Variants in GTF2F2 observed in about 807,000 individuals in gnomAD.
GTF2F2 encodes the protein ATP-dependent helicase GTF2F2.
A neutral mutation model predicts 42.2 loss-of-function variants in GTF2F2; 23 were observed. That is an observed-to-expected ratio of 0.55 (90% confidence interval 0.39 to 0.77). GTF2F2 has a LOEUF of 0.77. Among genes scored for constraint, GTF2F2 ranks in the 30% least tolerant of loss-of-function variants. GTF2F2 has a pLI of 0.00. For synonymous variants in GTF2F2, 105 were observed against 100.8 expected, an observed-to-expected ratio of 1.04 and a Z score of -0.25; for missense variants, 261 against 287.2, an observed-to-expected ratio of 0.91 and a Z score of 0.66.
At chr13:45,193,917 G>GACA in intron 4 of GTF2F2, 1 of 1,614,136 alleles carries the variant, frequency 6.2e-7, no homozygotes, top group Non-Finnish European at 8.5e-7. Context: ...CCAAGGTACA[G>GACA]ACAAAGGTGT....
At position 45,274,948 on chromosome 13, in the gene GTF2F2, AT is replaced by A. The variant is rs1361575269; in HGVS notation, c.630+7574del. 2.0e-5 allele frequency among the ~76,000 whole-genome samples: 3 copies of A among 152,088 alleles called. No individual in the cohort carries two copies. In the South Asian group the frequency reaches 6.2e-4, roughly 32 times the overall value. On this transcript the variant is annotated intron_variant, in intron 7 of 7. Transcript: ENST00000340473. Reference sequence around the variant, plus strand: ...AGTGTAGTTCAGTGGACTTTAGTATATTCATAGAGTTGTGCAACCAACACCA... The same window carrying A: ...AGTGTAGTTCAGTGGACTTTAGTATATCATAGAGTTGTGCAACCAACACCA...
intron 5 of GTF2F2, among the ~76,000 whole-genome samples, chr13:45,223,340 G>T (rs1456900581): frequency 6.6e-6 from 1 of 150,832 alleles, no homozygotes; most frequent in Non-Finnish European, 1.5e-5. Context: ...CAAAACACGT[G>T]CGCATGCGTG....
At chr13:45,203,705 GACGTGTGTGGGAGTACTAGAGATTA>G (rs1184021037) in intron 4 of GTF2F2, among the ~76,000 whole-genome samples, 4 of 152,178 alleles carry the variant, frequency 2.6e-5, no homozygotes, top group African/African-American at 9.7e-5. Flanking sequence ...CGTTTGAGCA[GACGTGTGTGGGAGTACTAGAGATTA>G]ACCTATTACC....
chr13:45,216,223 GA>G (rs1246632948), intron 5 of GTF2F2, among the ~76,000 whole-genome samples: 4 of 151,290 alleles, frequency 2.6e-5, no homozygotes, highest in African/African-American at 7.3e-5. Flanking sequence ...GTCTCAAGAG[GA>G]AAAAAAAGAA....
chr13:45,270,526 A>G (rs1363625401), intron 7 of GTF2F2, among the ~76,000 whole-genome samples: 1 of 152,060 alleles, frequency 6.6e-6, no homozygotes, highest in Non-Finnish European at 1.5e-5. Flanking sequence ...AAAGCCACCA[A>G]TTTCACTCCC....
chr13:45,171,554 T>C (rs111855883), intron 4 of GTF2F2, among the ~76,000 whole-genome samples: 1,977 of 152,320 alleles, frequency 0.013, 18 homozygotes, highest in Middle Eastern at 0.024. Context: ...AAACCTAATA[T>C]TATTTAGTGG....
intron 4 of GTF2F2, among the ~76,000 whole-genome samples, chr13:45,177,305 A>G (rs1443665244): frequency 2.0e-5 from 3 of 152,154 alleles, no homozygotes; most frequent in African/African-American, 7.2e-5. Flanking sequence ...TTATTTTGGT[A>G]GCAAAGTTAT....
At chr13:45,235,041 CAAAAAAAAAAA>C (rs61077504) in intron 5 of GTF2F2, among the ~76,000 whole-genome samples, 6 of 43,704 alleles carry the variant, frequency 1.4e-4, no homozygotes, top group Admixed American at 1.2e-3. Context: ...GCGGGAAACT[CAAAAAAAAAAA>C]AAAAAAAAAA....
chr13:45,272,424 TA>T lies in GTF2F2; in HGVS notation c.630+5064del, dbSNP rs11393681. On this transcript the variant is annotated intron_variant, in intron 7 of 7. Transcript: ENST00000340473. ...TTTATATGGTTTTGTTTTGGCTCTTTAAAAAAAAAAAAAAAACAAAAAAAAA... is the reference window on the plus strand; with the variant it reads ...TTTATATGGTTTTGTTTTGGCTCTTTAAAAAAAAAAAAAAACAAAAAAAAA... 1.2e-3 allele frequency among the ~76,000 whole-genome samples: 115 copies of T among 99,630 alleles called. 1 individual carries two copies. Among genetic ancestry groups the T allele is most frequent in the South Asian group, 4.5e-3 (13 of 2,872 alleles). 65.4% of individuals were successfully genotyped at this position (99,630 alleles called of 152,430 possible).
chr13:45,267,709 T>C (rs1279249696), intron 7 of GTF2F2, among the ~76,000 whole-genome samples: 1 of 152,186 alleles, frequency 6.6e-6, no homozygotes, highest in Non-Finnish European at 1.5e-5. Flanking sequence ...TTCCCTTTTT[T>C]TGGAAAACAT....
At chr13:45,199,532 A>G (rs1873072828) in intron 4 of GTF2F2, among the ~76,000 whole-genome samples, 1 of 152,156 alleles carries the variant, frequency 6.6e-6, no homozygotes, top group Non-Finnish European at 1.5e-5. Flanking sequence ...TTTTTTTGAA[A>G]TATAACCTGT....
At chr13:45,260,924 G>A (rs938285475) in intron 6 of GTF2F2, among the ~76,000 whole-genome samples, 2 of 152,084 alleles carry the variant, frequency 1.3e-5, no homozygotes, top group Non-Finnish European at 1.5e-5. Flanking sequence ...CCTGGAGTTC[G>A]AGACCAGCCT....
At position 45,242,046 on chromosome 13, in the gene GTF2F2, A is replaced by G. The variant is rs562768288; in HGVS notation, c.387-10825A>G. Among the ~76,000 whole-genome samples, 37 of 152,268 alleles carry G rather than the reference A, an allele frequency of 2.4e-4. No individual in the cohort carries two copies. The East Asian group carries it at 4.8e-3, about 20-fold the overall frequency. ...TCATTGCCACTTAGATTCACTTCTA[A>G]TAGATTGACGTATACTTACTATTGC... On this transcript the variant is annotated intron_variant, in intron 5 of 7. Transcript: ENST00000340473.
intron 4 of GTF2F2, among the ~76,000 whole-genome samples, chr13:45,174,225 G>T (rs759839171): frequency 1.3e-4 from 20 of 152,300 alleles, no homozygotes; most frequent in Non-Finnish European, 2.5e-4. Flanking sequence ...ATGCCCAAGA[G>T]TGCATTTGCT....
At chr13:45,160,931 C>T (rs973464296) in intron 4 of GTF2F2, among the ~76,000 whole-genome samples, 1 of 152,262 alleles carries the variant, frequency 6.6e-6, no homozygotes, top group Non-Finnish European at 1.5e-5. Flanking sequence ...CAAACAGTTG[C>T]AACTATGCTT....
In GTF2F2 at chr13:45,191,224, A is replaced by AATATATATAT. The variant is rs1165963910; in HGVS notation, c.305-16178_305-16169dup. 1.9e-3 allele frequency among the ~76,000 whole-genome samples: 144 copies of AATATATATAT among 75,238 alleles called. 3 individuals carry two copies. The highest frequency in any genetic ancestry group is 3.9e-3 in the South Asian group (10 of 2,540). 49.4% of individuals were successfully genotyped at this position (75,238 alleles called of 152,430 possible). On this transcript the variant is annotated intron_variant, in intron 4 of 7. Transcript: ENST00000340473. ...GTCTCTACTAAAAATACAAAAAAAA[A>AATATATATAT]ATATATATATATATATATATATATA... is the stretch of plus-strand genomic sequence containing the variant.
chr13:45,165,329 A>ATTT (rs201519443), intron 4 of GTF2F2, among the ~76,000 whole-genome samples: 15 of 129,720 alleles, frequency 1.2e-4, no homozygotes, highest in African/African-American at 4.2e-4. Context: ...ATATATATAT[A>ATTT]TATTTTTTTT....
At chr13:45,168,898 TCCCTCCCTCCTC>T (rs1871446846) in intron 4 of GTF2F2, among the ~76,000 whole-genome samples, 1 of 458 alleles carries the variant, frequency 2.2e-3, no homozygotes, top group East Asian at 0.1. Context: ...CCTCCCTCCC[TCCCTCCCTCCTC>T]CTTCCTTCCC....
Position 45,237,883 on chromosome 13 carries a change from C to T in GTF2F2, c.387-14988C>T, listed in dbSNP as rs74068504. 3.2e-3 allele frequency among the ~76,000 whole-genome samples: 485 copies of T among 152,286 alleles called. 2 individuals carry two copies. Among genetic ancestry groups the T allele is most frequent in the African/African-American group, 0.011 (469 of 41,560 alleles). Reference sequence around the variant, plus strand: ...TCTTCTGATAGAAAAGCTTTCATCCCCACTCCTGGGAACCATATCAAATTA... The same window carrying T: ...TCTTCTGATAGAAAAGCTTTCATCCTCACTCCTGGGAACCATATCAAATTA... On this transcript the variant is annotated intron_variant, in intron 5 of 7. Coordinates refer to ENST00000340473, the MANE Select transcript of GTF2F2 (RefSeq NM_004128.3).
Sources: allele counts gnomAD v4.1 joint callset (sites outside exome capture counted in the v4.1 genomes callset), GRCh38; gene constraint gnomAD v4.1.1; transcripts MANE v1.5; gene names NCBI Gene and HGNC (gene_info 2026-07-23, HGNC 2026-07-21).